The following COMMD10 variants were observed in gnomAD, a reference collection of about 807,000 sequenced individuals.
COMMD10 encodes COMM domain containing 10, also known as COMM domain-containing protein 10.
In COMMD10, 33 loss-of-function variants were observed where a neutral mutation model predicts 28.9. The ratio of observed to expected loss-of-function variants is 1.14; its 90% CI spans 0.87 to 1.53. The LOEUF (loss-of-function observed/expected upper bound fraction) is 1.53. Among genes scored for constraint, COMMD10 ranks in the 40% most tolerant of loss-of-function variants. The pLI is 0.00. For missense variants in COMMD10, 310 were observed against 233.4 expected (o/e 1.33, Z -2.14); for synonymous variants, 110 against 81.7 (o/e 1.35, Z -1.87).
intron 5 of COMMD10, among the ~76,000 whole-genome samples, chr5:116,163,236 G>C (rs1204033062): frequency 6.6e-6 from 1 of 151,120 alleles, no homozygotes. Flanking sequence ...AAGCATCTTT[G>C]TAATTAAAAA....
intron 4 of COMMD10, among the ~76,000 whole-genome samples, chr5:116,123,857 A>G (rs1407279493): frequency 6.6e-6 from 1 of 152,058 alleles, no homozygotes; most frequent in East Asian, 1.9e-4. Context: ...TTATTTGCAT[A>G]GAGGTGTTTA....
intron 5 of COMMD10, among the ~76,000 whole-genome samples, chr5:116,146,616 T>G (rs755686963): frequency 6.6e-6 from 1 of 151,942 alleles, no homozygotes; most frequent in Non-Finnish European, 1.5e-5. Flanking sequence ...TTTCCTGGCA[T>G]AGTTTAAATA....
chr5:116,268,996 A>C (rs958461119), intron 5 of COMMD10, among the ~76,000 whole-genome samples: 1 of 151,758 alleles, frequency 6.6e-6, no homozygotes, highest in African/African-American at 2.4e-5. Context: ...TACCTAATGT[A>C]AATGACGAGT....
chr5:116,265,747 G>T (rs1388454839), intron 5 of COMMD10, among the ~76,000 whole-genome samples: 1 of 151,678 alleles, frequency 6.6e-6, no homozygotes, highest in East Asian at 1.9e-4. Flanking sequence ...TACAAATGAA[G>T]CAGATGAGCC....
chr5:116,175,214 T>C (rs1047827405), intron 5 of COMMD10, among the ~76,000 whole-genome samples: 13 of 152,106 alleles, frequency 8.5e-5, no homozygotes, highest in African/African-American at 3.1e-4. Context: ...TTTTTATTTT[T>C]GTGTCTGTAT....
chr5:116,278,139 C>G (rs1055666289), intron 5 of COMMD10, among the ~76,000 whole-genome samples: 1 of 151,664 alleles, frequency 6.6e-6, no homozygotes, highest in African/African-American at 2.4e-5. Context: ...TGTACTTATC[C>G]TTAGAATAAA....
chr5:116,130,605 T>C (rs540890090), intron 4 of COMMD10, among the ~76,000 whole-genome samples: 1 of 151,996 alleles, frequency 6.6e-6, no homozygotes, highest in African/African-American at 2.4e-5. Flanking sequence ...TGAATGTGTA[T>C]GCGTTTTTCT....
intron 5 of COMMD10, among the ~76,000 whole-genome samples, chr5:116,152,323 G>T (rs971123480): frequency 1.3e-5 from 2 of 152,072 alleles, no homozygotes; most frequent in African/African-American, 4.8e-5. Context: ...ATATTCTATT[G>T]TAGGCTACTT....
At chr5:116,203,092 G>C (rs1323731186) in intron 5 of COMMD10, among the ~76,000 whole-genome samples, 1 of 152,012 alleles carries the variant, frequency 6.6e-6, no homozygotes, top group Admixed American at 6.6e-5. Flanking sequence ...TCCAGTTTCA[G>C]CTTTCTACAT....
At chr5:116,107,092 C>T (rs1750864133) in intron 4 of COMMD10, among the ~76,000 whole-genome samples, 1 of 151,964 alleles carries the variant, frequency 6.6e-6, no homozygotes, top group Non-Finnish European at 1.5e-5. Context: ...TGACCTTTCC[C>T]TCTGGCTGCC....
rs533501986 is a variant in COMMD10 at position 116,233,775 on chromosome 5, A to T, written c.511-57742A>T. Reference sequence around the variant, plus strand: ...CAAGGAGAGAGTTTTAATGAAGCACAGTAAGCAAGAGGGAGATTGGAAGAG... The same window carrying T: ...CAAGGAGAGAGTTTTAATGAAGCACTGTAAGCAAGAGGGAGATTGGAAGAG... On this transcript the variant is annotated intron_variant, in intron 5 of 6. Coordinates refer to ENST00000274458, the MANE Select transcript of COMMD10 (RefSeq NM_016144.4). Among the ~76,000 whole-genome samples the T allele has an allele frequency of 1.2e-4, 18 of 152,264 alleles. No individual in the cohort carries two copies. In the South Asian group the frequency reaches 3.7e-3, roughly 32 times the overall value.
chr5:116,275,694 G>A (rs888883961), intron 5 of COMMD10, among the ~76,000 whole-genome samples: 3 of 151,506 alleles, frequency 2.0e-5, no homozygotes, highest in Admixed American at 2.0e-4. Context: ...CATATCTGAT[G>A]GCTTAATTTG....
intron 1 of COMMD10, among the ~76,000 whole-genome samples, chr5:116,086,031 G>T (rs1255635114): frequency 6.6e-6 from 1 of 152,232 alleles, no homozygotes; most frequent in African/African-American, 2.4e-5. Context: ...CACAGTGTGG[G>T]AGCTGCTTGA....
chr5:116,146,774 A>G (rs1200634054), intron 5 of COMMD10, among the ~76,000 whole-genome samples: 1 of 151,838 alleles, frequency 6.6e-6, no homozygotes, highest in Non-Finnish European at 1.5e-5. Flanking sequence ...GAAGAGGAAG[A>G]ATACTTGTAA....
At chr5:116,106,286 G>A (rs777971066) in intron 4 of COMMD10, among the ~76,000 whole-genome samples, 3 of 152,104 alleles carry the variant, frequency 2.0e-5, no homozygotes, top group Non-Finnish European at 4.4e-5. Context: ...TCCATGTGTT[G>A]TGAGGTTTTG....
intron 5 of COMMD10, chr5:116,188,432 T>C (rs1748216906): frequency 1.4e-5 from 2 of 141,548 alleles, no homozygotes; most frequent in South Asian, 4.2e-4. Flanking sequence ...TGTGTTTCTT[T>C]TTAATAGTTT....
intron 5 of COMMD10, among the ~76,000 whole-genome samples, chr5:116,245,195 C>A (rs1749910240): frequency 6.6e-6 from 1 of 152,078 alleles, no homozygotes; most frequent in Non-Finnish European, 1.5e-5. Flanking sequence ...AGAAATATAA[C>A]CATCGGAGGA....
chr5:116,127,428 A>G (rs976854014), intron 4 of COMMD10, among the ~76,000 whole-genome samples: 9 of 152,214 alleles, frequency 5.9e-5, no homozygotes, highest in Admixed American at 5.2e-4. Flanking sequence ...ATTACTAGGT[A>G]TATACCCAAA....
At chr5:116,254,154 C>A (rs1561394104) in intron 5 of COMMD10, among the ~76,000 whole-genome samples, 2 of 151,824 alleles carry the variant, frequency 1.3e-5, no homozygotes, top group Non-Finnish European at 2.9e-5. Context: ...TCCCCTTTAT[C>A]ATTTTTTATT....
Sources: allele counts gnomAD v4.1 joint callset (sites outside exome capture counted in the v4.1 genomes callset), GRCh38; gene constraint gnomAD v4.1.1; transcripts MANE v1.5; gene names NCBI Gene and HGNC (gene_info 2026-07-23, HGNC 2026-07-21).